Variants in SH3PXD2B observed in about 807,000 individuals in gnomAD.
The protein encoded by SH3PXD2B is SH3 and PX domains 2B.
Under a neutral mutation model 73.1 loss-of-function variants are expected in SH3PXD2B, and 37 were observed. The observed-to-expected ratio is 0.51, with a 90% CI of 0.39 to 0.67. The LOEUF (loss-of-function observed/expected upper bound fraction) is 0.67. Among genes scored for constraint, SH3PXD2B ranks in the 30% least tolerant of loss-of-function variants. The pLI, the probability that SH3PXD2B is intolerant of heterozygous loss-of-function variation, is 0.00. For synonymous variants in SH3PXD2B, 457 were observed against 480.5 expected (o/e 0.95, Z 0.64); for missense variants, 1,053 against 1,197.8 (o/e 0.88, Z 1.78).
At chr5:172,447,300 G>A (rs1284185836) in intron 1 of SH3PXD2B, among the ~76,000 whole-genome samples, 2 of 152,174 alleles carry the variant, frequency 1.3e-5, no homozygotes, top group Non-Finnish European at 2.9e-5. Context: ...ATCAGCCTGA[G>A]CATGCTATTT....
intron 2 of SH3PXD2B, among the ~76,000 whole-genome samples, chr5:172,411,437 G>T (rs924749825): frequency 7.2e-6 from 1 of 138,466 alleles, no homozygotes; most frequent in Non-Finnish European, 1.5e-5. Context: ...CCAAGGAGCT[G>T]AAAGGCCTCC....
At chr5:172,406,176 T>TC in intron 3 of SH3PXD2B, 101 bp downstream of exon 3, 1 of 1,283,166 alleles carries the variant, frequency 7.8e-7, no homozygotes, top group Admixed American at 1.9e-5. Flanking sequence ...TGGGATGGTG[T>TC]CCCCTGATAA....
intron 12 of SH3PXD2B, chr5:172,325,456 T>A: frequency 1.1e-6 from 1 of 926,386 alleles, no homozygotes. Context: ...CCTGGGACTT[T>A]GTCTGTTTGT....
In SH3PXD2B at chr5:172,336,560, G is replaced by C. The variant is rs1756697436; in HGVS notation, c.*1809C>G. On this transcript the variant is annotated 3_prime_UTR_variant, in exon 13 of 13. Transcript: ENST00000311601. ...GGGGGTGGAGCTGGGAGGCGCGGCAGAAGAGGGCTGTTCAAGCAAAACTTT... is the reference window on the plus strand; with the variant it reads ...GGGGGTGGAGCTGGGAGGCGCGGCACAAGAGGGCTGTTCAAGCAAAACTTT... 4 of 986,016 alleles carry C rather than the reference G, an allele frequency of 4.1e-6. No individual in the cohort carries two copies. The South Asian group carries it at 1.4e-4, about 35-fold the overall frequency. The allele number at this position is 986,016 out of a possible 1,614,324, so 61.1% of individuals were successfully genotyped here.
Position 172,338,983 on chromosome 5 carries a change from G to C in SH3PXD2B, c.2122C>G (p.Arg708Gly), listed in dbSNP as rs545491323. 1 of 1,614,058 alleles carries C rather than the reference G, an allele frequency of 6.2e-7. No homozygotes were observed. Among genetic ancestry groups the C allele is most frequent in the Admixed American group, 1.7e-5 (1 of 60,026 alleles). The change falls in exon 13 of 13, where the codon CGC becomes GGC. Residue 708 changes from arginine to glycine, a missense_variant. Coordinates refer to ENST00000311601, the MANE Select transcript of SH3PXD2B (RefSeq NM_001017995.3). The surrounding 1 kb of genome is among the most constrained non-coding windows in gnomAD (Gnocchi z 5.1). ...TGTTTGCCCGTCCTGTCCTGGGCGC[G>C]GCCAGGCCCCTCTCCTGGGAGGAAG... ...RSFLPGEGPGRAQDRTGKQDG... is the reference protein window; with the variant it reads ...RSFLPGEGPGGAQDRTGKQDG...
In SH3PXD2B at chr5:172,358,853, T is replaced by TC; in HGVS notation, c.586dup (p.Glu196GlyfsTer20). 6.2e-7 allele frequency: 1 copy of TC among 1,614,040 alleles called. No homozygotes were observed. Among genetic ancestry groups the TC allele is most frequent in the South Asian group, 1.1e-5 (1 of 91,054 alleles). On this transcript the variant is annotated frameshift_variant, in exon 8 of 13. Coordinates refer to ENST00000311601, the MANE Select transcript of SH3PXD2B (RefSeq NM_001017995.3). LOFTEE classifies it high-confidence loss of function. ...CGTTGCAGGGACCCAGCCTTGCTCC[T>TC]CGGCAGTGCTGACGAACCACCAACC...
At chr5:172,328,852 G>C (rs1029655182), downstream of SH3PXD2B, among the ~76,000 whole-genome samples, 9 of 152,102 alleles carry the variant, frequency 5.9e-5, no homozygotes, top group South Asian at 2.1e-4. Context: ...CAGGGAGAGA[G>C]AGAGCTGGAG....
In SH3PXD2B at chr5:172,391,770, AT is replaced by A. The variant is rs1758194818; in HGVS notation, c.309+2792del. ...ATAGGCATGAGCCACTGGCCTGGCCATTTTGTTAATGGTACTTTTTGAGATA... is the reference window on the plus strand; with the variant it reads ...ATAGGCATGAGCCACTGGCCTGGCCATTTGTTAATGGTACTTTTTGAGATA... On this transcript the variant is annotated intron_variant, in intron 4 of 12. Transcript: ENST00000311601. Among the ~76,000 whole-genome samples, 5 of 152,188 alleles carry A rather than the reference AT, an allele frequency of 3.3e-5. No homozygotes were observed. The South Asian group carries it at 1.0e-3, about 32-fold the overall frequency.
At chr5:172,356,760 A>C (rs1757286821) in intron 8 of SH3PXD2B, 1 of 152,506 alleles carries the variant, frequency 6.6e-6, no homozygotes. Flanking sequence ...GGCAGAGACC[A>C]ATACCTCCAT....
chr5:172,336,736 G>A lies in SH3PXD2B; in HGVS notation c.*1633C>T, dbSNP rs562026667. On this transcript the variant is annotated 3_prime_UTR_variant, in exon 13 of 13. Coordinates refer to ENST00000311601, the MANE Select transcript of SH3PXD2B (RefSeq NM_001017995.3). ...AGGGCAGGGCAGGGCTGCCTCGGTC[G>A]GGTAGAATGGGAAGGGGTTCTGCTC... The A allele has an allele frequency of 9.9e-5, 98 of 985,668 alleles. No homozygotes were observed. The East Asian group carries it at 5.7e-3, about 57-fold the overall frequency. The allele number at this position is 985,668 out of a possible 1,614,324, so 61.1% of individuals were successfully genotyped here.
Position 172,339,504 on chromosome 5 carries a change from C to G in SH3PXD2B, c.1601G>C (p.Gly534Ala), listed in dbSNP as rs1756799405. 3 of 1,613,896 alleles carry G rather than the reference C, an allele frequency of 1.9e-6. No homozygotes were observed. Among genetic ancestry groups the G allele is most frequent in the Non-Finnish European group, 2.5e-6 (3 of 1,179,952 alleles). Reference protein sequence around the residue: ...PRKESIIKSEGELLERERERQ... With the variant: ...PRKESIIKSEAELLERERERQ... ...CTCCCGCTCCCGCTCCAGCAGCTCCCCCTCCGACTTGATGATGGATTCTTT... is the reference window on the plus strand; with the variant it reads ...CTCCCGCTCCCGCTCCAGCAGCTCCGCCTCCGACTTGATGATGGATTCTTT... Residue 534 changes from glycine to alanine, a missense_variant, in exon 13 of 13, where the codon GGG becomes GCG. Coordinates refer to ENST00000311601, the MANE Select transcript of SH3PXD2B (RefSeq NM_001017995.3). This position sits in a 1 kb window ranked among gnomAD's most constrained non-coding sequence, Gnocchi z 6.1.
intron 6 of SH3PXD2B, among the ~76,000 whole-genome samples, chr5:172,365,518 T>C (rs1757495602): frequency 1.3e-5 from 2 of 152,132 alleles, no homozygotes; most frequent in Admixed American, 6.6e-5. Flanking sequence ...CTGGTCAGGC[T>C]CAGTCTGACA....
chr5:172,437,547 C>T (rs1287266285), intron 1 of SH3PXD2B, among the ~76,000 whole-genome samples: 4 of 152,194 alleles, frequency 2.6e-5, no homozygotes, highest in African/African-American at 9.6e-5. Flanking sequence ...TTTCTTCTCC[C>T]AGCATCCCAA....
chr5:172,350,707 G>A, intron 9 of SH3PXD2B, 118 bp from the exon 10 acceptor site: 2 of 966,624 alleles, frequency 2.1e-6, no homozygotes, highest in East Asian at 2.6e-5. Context: ...GGTTGTGACT[G>A]CCCAGGGCAA....
At chr5:172,439,682 G>GCGCACACA (rs1472575427) in intron 1 of SH3PXD2B, among the ~76,000 whole-genome samples, 1 of 109,490 alleles carries the variant, frequency 9.1e-6, no homozygotes, top group African/African-American at 3.7e-5. Context: ...GTGCGTGCGC[G>GCGCACACA]CACGCGCGCG....
At chr5:172,397,788 G>A (rs6556023) in intron 3 of SH3PXD2B, among the ~76,000 whole-genome samples, 6,068 of 152,168 alleles carry the variant, frequency 0.04, 384 homozygotes, top group African/African-American at 0.14. Context: ...AATATTCCAC[G>A]TAACTCTTAT....
At position 172,373,961 on chromosome 5, in the gene SH3PXD2B, C is replaced by G. The variant is rs955686263; in HGVS notation, c.402-146G>C. ...TAAAATCCAGGCCAACTAGAGGAAC[C>G]CTGACTTCTTCAAAGAGAAAGAACT... On this transcript the variant is annotated intron_variant, in intron 5 of 12. Transcript: ENST00000311601. 36 of 856,002 alleles carry G rather than the reference C, an allele frequency of 4.2e-5. No homozygotes were observed. In the Admixed American group the frequency reaches 5.1e-4, roughly 12 times the overall value. 53.0% of individuals were successfully genotyped at this position (856,002 alleles called of 1,614,324 possible).
chr5:172,402,489 A>G (rs900621844), intron 3 of SH3PXD2B, among the ~76,000 whole-genome samples: 1 of 152,154 alleles, frequency 6.6e-6, no homozygotes, highest in African/African-American at 2.4e-5. Flanking sequence ...GAAAATCACT[A>G]ATAAAAACTT....
In SH3PXD2B at chr5:172,346,157, G is replaced by A. The variant is rs148044716; in HGVS notation, c.1167C>T (p.Phe389=). The change falls in exon 12 of 13, where the codon TTC becomes TTT. Residue 389 remains phenylalanine (F), a synonymous_variant. Coordinates refer to ENST00000311601, the MANE Select transcript of SH3PXD2B (RefSeq NM_001017995.3). The stretch of plus-strand genomic sequence containing the variant: ...TCACCTCGACCTTCAGGCCTGCCTG[G>A]AAGCTGATGCCGTCTGGGATGGTTG... ...FQTTIPDGIS[F]QAGLKVEVIE... 1.2e-6 allele frequency: 2 copies of A among 1,614,062 alleles called. No homozygotes were observed. Among genetic ancestry groups the A allele is most frequent in the African/African-American group, 2.7e-5 (2 of 74,942 alleles).
Sources: gnomAD v4.1 joint callset for allele counts (sites outside exome capture counted in the v4.1 genomes callset) on GRCh38, gnomAD v4.1.1 for gene constraint, Gnocchi (gnomAD v3.1) non-coding constraint, MANE v1.5 for transcripts, NCBI Gene and HGNC (gene_info 2026-07-23, HGNC 2026-07-21) for gene names.